Variants in KCNIP4 observed in about 807,000 individuals in gnomAD.
KCNIP4 encodes potassium voltage-gated channel interacting protein 4, also known as Kv channel-interacting protein 4.
Under a neutral mutation model 34.0 loss-of-function variants are expected in KCNIP4, and 12 were observed. That is an observed-to-expected ratio of 0.35 (90% CI 0.23 to 0.57). The LOEUF is 0.57. Among genes scored for constraint, KCNIP4 ranks in the 20% least tolerant of loss-of-function variants. The pLI is 0.83. For synonymous variants in KCNIP4, 124 were observed against 102.2 expected (o/e 1.21, Z -1.29); for missense variants, 238 against 311.7 (o/e 0.76, Z 1.78).
intron 1 of KCNIP4, among the ~76,000 whole-genome samples, chr4:21,426,608 T>A (rs992339609): frequency 3.9e-5 from 6 of 152,112 alleles, no homozygotes; most frequent in African/African-American, 1.4e-4. Context: ...CTTCTTTAGG[T>A]TAAATGGAGA....
In KCNIP4 at chr4:21,034,978, C is replaced by G. The variant is rs377659893; in HGVS notation, c.62-152269G>C. 4.6e-5 allele frequency among the ~76,000 whole-genome samples: 7 copies of G among 152,276 alleles called. No homozygotes were observed. The East Asian group carries it at 1.4e-3, about 29-fold the overall frequency. On this transcript the variant is annotated intron_variant, in intron 1 of 8. Coordinates refer to ENST00000382152, the MANE Select transcript of KCNIP4 (RefSeq NM_025221.6). ...TGCAGAGCCCAGAGGCAGATGCCTA[C>G]GTGACAGCACTTTACCATCCAGCAT...
chr4:20,764,266 A>G (rs1755198390), intron 3 of KCNIP4, among the ~76,000 whole-genome samples: 1 of 152,208 alleles, frequency 6.6e-6, no homozygotes, highest in Non-Finnish European at 1.5e-5. Context: ...ATAAGCATAT[A>G]TACCGTAGAA....
At chr4:21,504,465 C>CAAAAAAAAAAAAAAAAAAAAAAAAAAAAA (rs376644707) in intron 1 of KCNIP4, among the ~76,000 whole-genome samples, 4 of 56,334 alleles carry the variant, frequency 7.1e-5, no homozygotes, top group South Asian at 7.1e-4. Flanking sequence ...GACTCCAACT[C>CAAAAAAAAAAAAAAAAAAAAAAAAAAAAA]AAAAAAAAAA....
chr4:21,525,900 T>G (rs939082564), intron 1 of KCNIP4, among the ~76,000 whole-genome samples: 1 of 152,196 alleles, frequency 6.6e-6, no homozygotes, highest in African/African-American at 2.4e-5. Context: ...TTTATCTTGT[T>G]TTGAAAATTA....
At chr4:21,678,183 T>G (rs1227503592) in intron 1 of KCNIP4, among the ~76,000 whole-genome samples, 2 of 152,136 alleles carry the variant, frequency 1.3e-5, no homozygotes, top group Non-Finnish European at 2.9e-5. Context: ...ACCATTATAA[T>G]GCAAAAGAAG....
intron 1 of KCNIP4, among the ~76,000 whole-genome samples, chr4:21,587,361 T>C (rs1391235281): frequency 6.6e-6 from 1 of 152,022 alleles, no homozygotes; most frequent in Admixed American, 6.6e-5. Flanking sequence ...AAACACCACA[T>C]AAACCATAAA....
At position 20,772,369 on chromosome 4, in the gene KCNIP4, G is replaced by A. The variant is rs552905043; in HGVS notation, c.289-13479C>T. 1.3e-4 allele frequency among the ~76,000 whole-genome samples: 20 copies of A among 152,230 alleles called. No individual in the cohort carries two copies. In the East Asian group the frequency reaches 3.7e-3, roughly 28 times the overall value. On this transcript the variant is annotated intron_variant, in intron 3 of 8. Coordinates refer to ENST00000382152, the MANE Select transcript of KCNIP4 (RefSeq NM_025221.6). ...GCGTAACGGTTAATCAACAAGCATG[G>A]CCCTCATCCAAAGGAGCTTACTACG...
intron 1 of KCNIP4, among the ~76,000 whole-genome samples, chr4:21,095,769 T>C (rs1747409511): frequency 6.6e-6 from 1 of 152,160 alleles, no homozygotes; most frequent in Admixed American, 6.6e-5. Flanking sequence ...TTTTAATAAA[T>C]ACATTTCTGT....
intron 1 of KCNIP4, among the ~76,000 whole-genome samples, chr4:21,676,115 G>A (rs569280656): frequency 3.4e-4 from 52 of 152,282 alleles, no homozygotes; most frequent in African/African-American, 1.2e-3. Context: ...GGACTAGGGT[G>A]GAGCGTCACT....
chr4:21,904,485 G>T (rs1727881516), intron 1 of KCNIP4, among the ~76,000 whole-genome samples: 1 of 152,162 alleles, frequency 6.6e-6, no homozygotes, highest in South Asian at 2.1e-4. Flanking sequence ...TTAAAAGTCA[G>T]TTGGCATACA....
intron 1 of KCNIP4, among the ~76,000 whole-genome samples, chr4:21,905,056 C>CATAAT (rs1480197870): frequency 2.0e-5 from 3 of 152,106 alleles, no homozygotes; most frequent in African/African-American, 7.2e-5. Flanking sequence ...TATGCATAAG[C>CATAAT]ATTGGTGACA....
intron 1 of KCNIP4, among the ~76,000 whole-genome samples, chr4:21,369,495 G>A (rs1327085980): frequency 1.4e-5 from 2 of 146,970 alleles, no homozygotes; most frequent in Non-Finnish European, 2.9e-5. Context: ...ATTCTGGGGG[G>A]CCAAAGTGGG....
At position 20,729,927 on chromosome 4, in the gene KCNIP4, A is replaced by G; in HGVS notation, c.*155T>C. On this transcript the variant is annotated 3_prime_UTR_variant, in exon 9 of 9. Transcript: ENST00000382152. ...TGCAAATTTATAACTGAAAGCTCAA[A>G]TCTTTTGGGGATTGCTTTATATTAA... 1 of 817,822 alleles carries G rather than the reference A, an allele frequency of 1.2e-6. No homozygotes were observed. Among genetic ancestry groups the G allele is most frequent in the Non-Finnish European group, 1.7e-6 (1 of 572,694 alleles). The allele number at this position is 817,822 out of a possible 1,614,324, so 50.7% of individuals were successfully genotyped here. A position where few individuals can be genotyped will look rare whatever the true frequency, so the allele number is the denominator to read the frequency against.
chr4:21,183,458 G>T, intron 1 of KCNIP4, among the ~76,000 whole-genome samples: 1 of 143,450 alleles, frequency 7.0e-6, no homozygotes. Flanking sequence ...TGTAATGGCT[G>T]TGTTGTTTTT....
intron 1 of KCNIP4, among the ~76,000 whole-genome samples, chr4:21,564,713 A>G (rs1841366): frequency 0.24 from 37,226 of 152,026 alleles, 4,790 homozygotes; most frequent in East Asian, 0.4. Context: ...CTGTAAAAGA[A>G]GCACAGCACC....
intron 1 of KCNIP4, among the ~76,000 whole-genome samples, chr4:20,911,989 C>T (rs898576577): frequency 6.6e-6 from 1 of 152,174 alleles, no homozygotes; most frequent in Non-Finnish European, 1.5e-5. Flanking sequence ...AATGCTTCCT[C>T]AGTACAACTA....
intron 5 of KCNIP4, among the ~76,000 whole-genome samples, chr4:20,740,487 G>GA (rs957009367): frequency 6.6e-6 from 1 of 152,136 alleles, no homozygotes; most frequent in Non-Finnish European, 1.5e-5. Context: ...CTTCATAAGT[G>GA]AAGGAGAAAT....
intron 1 of KCNIP4, among the ~76,000 whole-genome samples, chr4:20,950,251 T>C (rs940176571): frequency 2.0e-5 from 3 of 152,086 alleles, no homozygotes; most frequent in African/African-American, 4.8e-5. Flanking sequence ...ATGTCTTCCT[T>C]ACCAGGAAGA....
intron 1 of KCNIP4, among the ~76,000 whole-genome samples, chr4:20,979,399 C>CTTT (rs762394597): frequency 2.3e-5 from 3 of 133,304 alleles, no homozygotes; most frequent in East Asian, 4.3e-4. Flanking sequence ...CACTTTCTTT[C>CTTT]TTTTTTTTTT....
Sources: allele counts gnomAD v4.1 joint callset (sites outside exome capture counted in the v4.1 genomes callset), GRCh38; gene constraint gnomAD v4.1.1; transcripts MANE v1.5; gene names NCBI Gene and HGNC (gene_info 2026-07-23, HGNC 2026-07-21).